Variants in CCDC60 observed in about 807,000 individuals in gnomAD.
The protein encoded by CCDC60 is coiled-coil domain-containing protein 60.
Under a neutral mutation model 63.5 loss-of-function variants are expected in CCDC60, and 54 were observed. That is an observed-to-expected ratio of 0.85 (90% CI 0.68 to 1.07). CCDC60 has a LOEUF of 1.07. CCDC60 is among the 50% of genes least tolerant of loss of function. The probability of loss-of-function intolerance (pLI) is 0.00; values close to 1 mark genes in which losing one functional copy is unlikely to be tolerated. For missense variants in CCDC60, 651 were observed against 684.3 expected, an observed-to-expected ratio of 0.95 and a Z score of 0.54; for synonymous variants, 206 against 238.8, an observed-to-expected ratio of 0.86 and a Z score of 1.27.
At chr12:119,376,630 AAAAAT>A (rs1053514000) in intron 1 of CCDC60, among the ~76,000 whole-genome samples, 1 of 152,174 alleles carries the variant, frequency 6.6e-6, no homozygotes, top group Non-Finnish European at 1.5e-5. Context: ...TTTGTCTCAA[AAAAAT>A]AAAATAAAAT....
intron 13 of CCDC60, among the ~76,000 whole-genome samples, chr12:119,539,641 A>G (rs1369382782): frequency 6.6e-6 from 1 of 152,180 alleles, no homozygotes; most frequent in Non-Finnish European, 1.5e-5. Context: ...GGATCCAGTG[A>G]GCTAGACCAC....
rs567842166 is a variant in CCDC60 at position 119,357,853 on chromosome 12, A to G, written c.90+22587A>G. 4.6e-5 allele frequency among the ~76,000 whole-genome samples: 7 copies of G among 152,334 alleles called. No individual in the cohort carries two copies. In the South Asian group the frequency reaches 1.0e-3, roughly 23 times the overall value. On this transcript the variant is annotated intron_variant, in intron 1 of 13. Transcript: ENST00000327554. ...CCTGAGACTGAATAATTTACAAAGGAAAGTGGTTTAATTTGCTCATGGTTC... is the reference window on the plus strand; with the variant it reads ...CCTGAGACTGAATAATTTACAAAGGGAAGTGGTTTAATTTGCTCATGGTTC...
At chr12:119,363,527 C>T (rs1592992750) in intron 1 of CCDC60, among the ~76,000 whole-genome samples, 1 of 151,880 alleles carries the variant, frequency 6.6e-6, no homozygotes, top group East Asian at 1.9e-4. Flanking sequence ...CAAATTTATC[C>T]ATTCTTTTTA....
chr12:119,339,992 A>G (rs1454544198), intron 1 of CCDC60, among the ~76,000 whole-genome samples: 2 of 152,170 alleles, frequency 1.3e-5, no homozygotes, highest in African/African-American at 4.8e-5. Context: ...GGGTTACTCA[A>G]TTCCTCTCTG....
chr12:119,529,096 G>A (rs1196971336), intron 12 of CCDC60, among the ~76,000 whole-genome samples: 2 of 152,128 alleles, frequency 1.3e-5, no homozygotes, highest in Admixed American at 6.5e-5. Context: ...GGTCTATGGG[G>A]GTGATCACTG....
At chr12:119,494,199 C>A (rs1361634461) in intron 5 of CCDC60, among the ~76,000 whole-genome samples, 3 of 152,168 alleles carry the variant, frequency 2.0e-5, no homozygotes, top group Non-Finnish European at 4.4e-5. Context: ...TTTACAGAGT[C>A]ACAGACATCA....
chr12:119,471,916 C>T (rs1030627805), intron 2 of CCDC60, 78 bp from the exon 3 acceptor site: 1 of 1,177,634 alleles, frequency 8.5e-7, no homozygotes, highest in Non-Finnish European at 1.2e-6. Context: ...CTCTTTCTTT[C>T]TCTCCTTCTC....
intron 1 of CCDC60, among the ~76,000 whole-genome samples, chr12:119,418,935 G>T (rs1271312186): frequency 6.6e-6 from 1 of 152,222 alleles, no homozygotes; most frequent in Non-Finnish European, 1.5e-5. Flanking sequence ...GAAAGAACTT[G>T]CCAGCAGGCG....
At chr12:119,499,825 C>A (rs1015280549) in intron 5 of CCDC60, among the ~76,000 whole-genome samples, 3 of 152,062 alleles carry the variant, frequency 2.0e-5, no homozygotes, top group African/African-American at 7.2e-5. Context: ...CAAATAGATG[C>A]AAAAAACATG....
chr12:119,349,671 C>T (rs1284575432), intron 1 of CCDC60, among the ~76,000 whole-genome samples: 1 of 152,112 alleles, frequency 6.6e-6, no homozygotes, highest in Non-Finnish European at 1.5e-5. Context: ...CTGTTCACCC[C>T]AGTAGTCCCT....
chr12:119,434,202 CTG>C (rs2136243503), intron 2 of CCDC60, among the ~76,000 whole-genome samples: 1 of 152,174 alleles, frequency 6.6e-6, no homozygotes, highest in Non-Finnish European at 1.5e-5. Context: ...TGCTTTCCAG[CTG>C]TGTTTGGTAG....
At chr12:119,377,893 G>A (rs1023568838) in intron 1 of CCDC60, among the ~76,000 whole-genome samples, 1 of 152,202 alleles carries the variant, frequency 6.6e-6, no homozygotes, top group Admixed American at 6.5e-5. Flanking sequence ...TCTCACGCCA[G>A]GGAAATCGAG....
intron 2 of CCDC60, among the ~76,000 whole-genome samples, chr12:119,430,495 T>C (rs1950208554): frequency 6.6e-6 from 1 of 151,772 alleles, no homozygotes; most frequent in Non-Finnish European, 1.5e-5. Context: ...TACAACCCTG[T>C]CTCTACTAAA....
intron 1 of CCDC60, among the ~76,000 whole-genome samples, chr12:119,385,749 C>G (rs61938069): frequency 6.6e-6 from 1 of 152,172 alleles, no homozygotes; most frequent in Non-Finnish European, 1.5e-5. Flanking sequence ...TTGTGATTCT[C>G]TGGTCCTGGC....
intron 1 of CCDC60, among the ~76,000 whole-genome samples, chr12:119,404,086 G>A (rs141690274): frequency 3.3e-5 from 5 of 152,216 alleles, no homozygotes; most frequent in African/African-American, 7.2e-5. Context: ...TCAGGAGTTC[G>A]AGAACAGCCT....
Position 119,476,727 on chromosome 12 carries a change from G to A in CCDC60, c.342-2367G>A, listed in dbSNP as rs142239680. ...GGGTTCCAAGGCCCTGGATGGTCTA[G>A]CCTGTGGCTTGCCTCTCCAGCCCCA... On this transcript the variant is annotated intron_variant, in intron 3 of 13. Coordinates refer to ENST00000327554, the MANE Select transcript of CCDC60 (RefSeq NM_178499.5). 6.6e-5 allele frequency among the ~76,000 whole-genome samples: 10 copies of A among 152,268 alleles called. No homozygotes were observed. The East Asian group carries it at 1.9e-3, about 29-fold the overall frequency.
chr12:119,421,680 G>C (rs1450458116), intron 1 of CCDC60, among the ~76,000 whole-genome samples: 1 of 152,152 alleles, frequency 6.6e-6, no homozygotes, highest in Non-Finnish European at 1.5e-5. Flanking sequence ...GGTAGGACTG[G>C]CATTAGTTCC....
chr12:119,390,297 G>A lies in CCDC60; in HGVS notation c.91-38386G>A, dbSNP rs116859999. Reference sequence around the variant, plus strand: ...GACACCTTCCCTAATCCTCCCTGCAGGTGCTCCCTGTCAGTAAGCAGATCA... The same window carrying A: ...GACACCTTCCCTAATCCTCCCTGCAAGTGCTCCCTGTCAGTAAGCAGATCA... On this transcript the variant is annotated intron_variant, in intron 1 of 13. Transcript: ENST00000327554. 3.4e-3 allele frequency among the ~76,000 whole-genome samples: 517 copies of A among 152,236 alleles called. 3 individuals are homozygous for A. Among genetic ancestry groups the A allele is most frequent in the Non-Finnish European group, 5.5e-3 (377 of 68,020 alleles).
At chr12:119,382,494 G>GT (rs142068925) in intron 1 of CCDC60, among the ~76,000 whole-genome samples, 11,305 of 152,300 alleles carry the variant, frequency 0.074, 540 homozygotes, top group Middle Eastern at 0.16. Context: ...AAAAGTATTC[G>GT]TAACAGGGGG....
Sources: allele counts gnomAD v4.1 joint callset (sites outside exome capture counted in the v4.1 genomes callset), GRCh38; gene constraint gnomAD v4.1.1; transcripts MANE v1.5; gene names NCBI Gene and HGNC (gene_info 2026-07-23, HGNC 2026-07-21).